CLK4: variants seen among roughly 807,000 people sequenced by gnomAD.
CLK4 encodes the protein dual specificity protein kinase CLK4.
A neutral mutation model predicts 64.4 loss-of-function variants in CLK4; 37 were observed. The observed-to-expected ratio is 0.57, with a 90% CI of 0.44 to 0.76. The LOEUF (loss-of-function observed/expected upper bound fraction) is 0.76. CLK4 is among the 30% of genes least tolerant of loss of function. The pLI, the probability that CLK4 is intolerant of heterozygous loss-of-function variation, is 0.00. For synonymous variants in CLK4, 175 were observed against 191.6 expected (o/e 0.91, Z 0.72); for missense variants, 457 against 605.1 (o/e 0.76, Z 2.57).
chr5:178,611,782 ACT>A (rs745401506), intron 9 of CLK4, among the ~76,000 whole-genome samples: 2 of 152,106 alleles, frequency 1.3e-5, no homozygotes, highest in Non-Finnish European at 2.9e-5. Flanking sequence ...ATTACATTCA[ACT>A]CTCTTGATAT....
intron 1 of CLK4, among the ~76,000 whole-genome samples, chr5:178,625,439 A>G (rs957336390): frequency 1.3e-5 from 2 of 151,292 alleles, no homozygotes; most frequent in Non-Finnish European, 1.5e-5. Flanking sequence ...AAAAAAAAAA[A>G]AAAAAAGAAA....
At chr5:178,619,898 T>G (rs1275786370) in intron 2 of CLK4, 1 of 776,434 alleles carries the variant, frequency 1.3e-6, no homozygotes, top group Admixed American at 2.3e-5. Flanking sequence ...CATGGAGCAC[T>G]GAGGGAGAGA....
rs898892920 is a variant in CLK4 at position 178,603,822 on chromosome 5, C to A, written c.1305+22G>T. The A allele has an allele frequency of 3.8e-6, 6 of 1,592,616 alleles. No homozygotes were observed. In the African/African-American group the frequency reaches 6.8e-5, roughly 18 times the overall value. On this transcript the variant is annotated intron_variant, in intron 12 of 12. Coordinates refer to ENST00000316308, the MANE Select transcript of CLK4 (RefSeq NM_020666.3). Reference sequence around the variant, plus strand: ...TAGTGCAAACACGTGGTTTATTTAACCTTTAATCTTTTTTCTTTTACCTTC... The same window carrying A: ...TAGTGCAAACACGTGGTTTATTTAAACTTTAATCTTTTTTCTTTTACCTTC...
chr5:178,623,104 C>A, intron 2 of CLK4, 152 bp downstream of exon 2: 1 of 713,886 alleles, frequency 1.4e-6, no homozygotes, highest in Non-Finnish European at 2.3e-6. Context: ...GTAGCCTCAG[C>A]GCCTATCTAA....
intron 11 of CLK4, 85 bp from the exon 12 acceptor site, chr5:178,604,019 G>A (rs1450057935): frequency 3.1e-6 from 3 of 978,062 alleles, no homozygotes; most frequent in Non-Finnish European, 4.6e-6. Context: ...GACATGGAAA[G>A]CAGCTCTCTC....
At chr5:178,611,104 A>T (rs1396825418) in intron 9 of CLK4, among the ~76,000 whole-genome samples, 1 of 151,974 alleles carries the variant, frequency 6.6e-6, no homozygotes, top group Non-Finnish European at 1.5e-5. Context: ...GTTACTATAT[A>T]CTATATTTTA....
rs757326227 is a variant in CLK4, at chr5:178,612,932, CTT to C, written c.827-44_827-43del. On this transcript the variant is annotated intron_variant, in intron 7 of 12. Transcript: ENST00000316308. ...GCACATTATTAGTTTCACTTACAAA[CTT>C]AATTTGTACTAGGAGGGAAAGGAGG... 7.5e-5 allele frequency: 78 copies of C among 1,040,682 alleles called. No homozygotes were observed. In the Admixed American group the frequency reaches 8.1e-4, roughly 11 times the overall value. The allele number at this position is 1,040,682 out of a possible 1,614,324, so 64.5% of individuals were successfully genotyped here.
intron 5 of CLK4, among the ~76,000 whole-genome samples, chr5:178,614,458 G>A (rs116566900): frequency 0.012 from 1,901 of 152,304 alleles, 21 homozygotes; most frequent in Non-Finnish European, 0.019. Context: ...CAGCTACAGG[G>A]GAGGGCAGTG....
At chr5:178,619,645 T>A in intron 2 of CLK4, 1 of 416,978 alleles carries the variant, frequency 2.4e-6, no homozygotes, top group Non-Finnish European at 4.0e-6. Context: ...CGTGCTTTAA[T>A]CTAGAGATCC....
rs1387977175 is a variant in CLK4 at position 178,613,765 on chromosome 5, T to C, written c.621A>G (p.Val207=). 6.2e-7 allele frequency: 1 copy of C among 1,614,178 alleles called. No homozygotes were observed. ...YREAARSEIQ[V]LEHLNSTDPN... ...GATCAGTACTATTTAAGTGCTCTAA[T>C]ACTTGGATTTCTGAACGAGCTGCTT... The change falls in exon 6 of 13, where the codon GTA becomes GTG. Residue 207 remains valine, a synonymous_variant. Transcript: ENST00000316308.
chr5:178,618,213 GA>G lies in CLK4; in HGVS notation c.384+342del, dbSNP rs138557897. On this transcript the variant is annotated intron_variant, in intron 3 of 12. Coordinates refer to ENST00000316308, the MANE Select transcript of CLK4 (RefSeq NM_020666.3). ...CAAGTACCAGATAAAGGGTTTCTAA[GA>G]AAAAAAAAATGCTTAAGATGAAAGA... 8.0e-4 allele frequency: 118 copies of G among 146,834 alleles called. 1 individual carries two copies. Among genetic ancestry groups the G allele is most frequent in the African/African-American group, 2.1e-3 (83 of 40,140 alleles). The allele number at this position is 146,834 out of a possible 1,614,324, so 9.1% of individuals were successfully genotyped here.
In CLK4 at chr5:178,603,997, C is replaced by A. The variant is rs1439046714; in HGVS notation, c.1215-63G>T. ...ACAAGAGTCGTATCTTTACCCTGCACCCATGAGGGGAGACATGGAAAGCAG... is the reference window on the plus strand; with the variant it reads ...ACAAGAGTCGTATCTTTACCCTGCAACCATGAGGGGAGACATGGAAAGCAG... On this transcript the variant is annotated intron_variant, in intron 11 of 12. Coordinates refer to ENST00000316308, the MANE Select transcript of CLK4 (RefSeq NM_020666.3). The A allele has an allele frequency of 5.8e-6, 7 of 1,215,488 alleles. No individual in the cohort carries two copies. In the East Asian group the frequency reaches 1.4e-4, roughly 24 times the overall value. The allele number at this position is 1,215,488 out of a possible 1,614,324, so 75.3% of individuals were successfully genotyped here.
intron 1 of CLK4, among the ~76,000 whole-genome samples, chr5:178,624,275 C>A (rs73351818): frequency 2.6e-5 from 4 of 152,086 alleles, no homozygotes; most frequent in Non-Finnish European, 4.4e-5. Flanking sequence ...GACCAGCCTG[C>A]GCTACACATA....
chr5:178,620,560 C>T (rs1381485280), intron 2 of CLK4: 1 of 451,294 alleles, frequency 2.2e-6, no homozygotes, highest in East Asian at 7.0e-5. Context: ...GATGAACAGA[C>T]TGATTTAATT....
Position 178,603,923 on chromosome 5 carries a change from T to C in CLK4, c.1226A>G (p.Tyr409Cys). The C allele has an allele frequency of 6.3e-7, 1 of 1,599,462 alleles. No homozygotes were observed. Among genetic ancestry groups the C allele is most frequent in the Non-Finnish European group, 8.5e-7 (1 of 1,175,514 alleles). ...CCAATCTAGCTGGTTATGGTGAAAA[T>C]ACTTGCGTTTTCTACAGAAAAAAAA... Reference protein sequence around the residue: ...HMIQKTRKRKYFHHNQLDWDE... With the variant: ...HMIQKTRKRKCFHHNQLDWDE... Residue 409 changes from tyrosine (Y) to cysteine (C), a missense_variant, in exon 12 of 13, where the codon TAT becomes TGT. Transcript: ENST00000316308.
chr5:178,613,904 T>A, intron 5 of CLK4, 61 bp from the exon 6 acceptor site: 1 of 1,252,828 alleles, frequency 8.0e-7, no homozygotes, highest in Non-Finnish European at 1.2e-6. Context: ...AGCCATGTTA[T>A]GCTCTAAAGC....
chr5:178,623,462 G>A, intron 1 of CLK4, 46 bp from the exon 2 acceptor site: 1 of 1,476,846 alleles, frequency 6.8e-7, no homozygotes. Flanking sequence ...ACAGATGTGT[G>A]ATAGGTAAAT....
intron 9 of CLK4, among the ~76,000 whole-genome samples, chr5:178,611,914 TCC>T (rs1764562970): frequency 1.3e-5 from 2 of 152,146 alleles, no homozygotes; most frequent in South Asian, 4.1e-4. Context: ...CCTTAATAAG[TCC>T]CTTCTTATTT....
chr5:178,612,347 C>A, intron 9 of CLK4, 69 bp downstream of exon 9: 1 of 1,381,262 alleles, frequency 7.2e-7, no homozygotes, highest in South Asian at 1.4e-5. Flanking sequence ...CCCCACCCCA[C>A]CAGTAAAGCT....
Sources: gnomAD v4.1 joint callset for allele counts (sites outside exome capture counted in the v4.1 genomes callset) on GRCh38, gnomAD v4.1.1 for gene constraint, MANE v1.5 for transcripts, NCBI Gene and HGNC (gene_info 2026-07-23, HGNC 2026-07-21) for gene names.